The following PPP6R3 variants were observed in gnomAD, a reference collection of about 807,000 sequenced individuals.
PPP6R3 encodes serine/threonine-protein phosphatase 6 regulatory subunit 3.
PPP6R3 carries 38 observed loss-of-function variants against 110.7 expected under a neutral mutation model. The observed-to-expected ratio is 0.34, with a 90% confidence interval of 0.26 to 0.45. The LOEUF (loss-of-function observed/expected upper bound fraction) is 0.45, where lower values mean the gene tolerates loss of function less well. Among genes scored for constraint, PPP6R3 ranks in the 20% least tolerant of loss-of-function variants. The pLI, the probability that PPP6R3 is intolerant of heterozygous loss-of-function variation, is 1.00. For synonymous variants in PPP6R3, 369 were observed against 373.5 expected, an observed-to-expected ratio of 0.99 and a Z score of 0.14; for missense variants, 870 against 1,062.4, an observed-to-expected ratio of 0.82 and a Z score of 2.52.
chr11:68,465,200 T>TTA (rs765869833), intron 1 of PPP6R3, among the ~76,000 whole-genome samples: 9 of 152,164 alleles, frequency 5.9e-5, no homozygotes, highest in Non-Finnish European at 4.4e-5. Context: ...TGTTTTTGTT[T>TTA]TAATAAAGAC....
Position 68,603,448 on chromosome 11 carries a change from C to G in PPP6R3, c.2406C>G (p.Leu802=), listed in dbSNP as rs765938462. ...TGAATGGCGGCATGAAGGAAACGCTCAGCCTCACTGTAGATGCCAAGACAG... is the reference window on the plus strand; with the variant it reads ...TGAATGGCGGCATGAAGGAAACGCTGAGCCTCACTGTAGATGCCAAGACAG... ...TVMNGGMKET[L]SLTVDAKTET... is the part of the protein sequence containing the mutation. Residue 802 remains leucine (L), a synonymous_variant, in exon 22 of 24, where the codon CTC becomes CTG. Transcript: ENST00000393800. 1.2e-6 allele frequency: 2 copies of G among 1,614,038 alleles called. No homozygotes were observed. The highest frequency in any genetic ancestry group is 1.7e-6 in the Non-Finnish European group (2 of 1,180,032).
intron 1 of PPP6R3, among the ~76,000 whole-genome samples, chr11:68,505,593 AT>A (rs2099071811): frequency 1.3e-5 from 2 of 152,220 alleles, no homozygotes; most frequent in South Asian, 4.1e-4. Context: ...TACAAAAGTA[AT>A]TCCAGTTTTT....
At chr11:68,609,868 G>A (rs762810127) in intron 22 of PPP6R3, 36 bp from the exon 23 acceptor site, 2 of 1,612,876 alleles carry the variant, frequency 1.2e-6, no homozygotes, top group South Asian at 2.2e-5. Context: ...CTGGTCCCTA[G>A]GGTGTTTGAT....
At chr11:68,579,299 T>A (rs1177410132) in intron 14 of PPP6R3, among the ~76,000 whole-genome samples, 1 of 152,240 alleles carries the variant, frequency 6.6e-6, no homozygotes, top group Non-Finnish European at 1.5e-5. Flanking sequence ...CATTTCACAC[T>A]TCTGATTTCC....
rs78244872 is a variant in PPP6R3, at chr11:68,516,821, C to T, written c.-157-2680C>T. ...CCATTTTGCATTCCCACCAATAGTGCGCAAGAGTTCCAGTTTCTCCACATC... is the reference window on the plus strand; with the variant it reads ...CCATTTTGCATTCCCACCAATAGTGTGCAAGAGTTCCAGTTTCTCCACATC... On this transcript the variant is annotated intron_variant, in intron 1 of 23. Coordinates refer to ENST00000393800, the MANE Select transcript of PPP6R3 (RefSeq NM_001164161.2). 4.8e-3 allele frequency among the ~76,000 whole-genome samples: 737 copies of T among 152,238 alleles called. 15 individuals carry two copies. The East Asian group carries it at 0.06, about 12-fold the overall frequency.
intron 1 of PPP6R3, chr11:68,505,142 C>T (rs1592180287): frequency 6.6e-6 from 1 of 152,090 alleles, no homozygotes; most frequent in African/African-American, 2.4e-5. Flanking sequence ...CTCTCATTTA[C>T]AGATAAGAAA....
intron 1 of PPP6R3, among the ~76,000 whole-genome samples, chr11:68,474,201 T>A (rs1237277399): frequency 6.6e-6 from 1 of 152,124 alleles, no homozygotes; most frequent in African/African-American, 2.4e-5. Context: ...CACACCACCA[T>A]GCCTGGCTAA....
At chr11:68,556,414 T>A (rs1159439575) in intron 7 of PPP6R3, among the ~76,000 whole-genome samples, 1 of 152,056 alleles carries the variant, frequency 6.6e-6, no homozygotes, top group East Asian at 1.9e-4. Flanking sequence ...AAAAATTTTT[T>A]AAAAACAGTT....
intron 3 of PPP6R3, among the ~76,000 whole-genome samples, chr11:68,539,943 G>A (rs2099302398): frequency 6.6e-6 from 1 of 152,216 alleles, no homozygotes; most frequent in African/African-American, 2.4e-5. Context: ...GGAACATCCA[G>A]GCAGGGGGAA....
Position 68,613,383 on chromosome 11 carries a change from C to G in PPP6R3, c.*266C>G, listed in dbSNP as rs1944476763. The G allele has an allele frequency of 8.5e-7, 1 of 1,182,526 alleles. No individual in the cohort carries two copies. The highest frequency in any genetic ancestry group is 1.0e-6 in the Non-Finnish European group (1 of 955,704). 73.3% of individuals were successfully genotyped at this position (1,182,526 alleles called of 1,614,324 possible). On this transcript the variant is annotated 3_prime_UTR_variant, in exon 24 of 24. Coordinates refer to ENST00000393800, the MANE Select transcript of PPP6R3 (RefSeq NM_001164161.2). ...TAATGGGTAGCCTGTGAAATAAGAT[C>G]TTGCCACCCATGTAATAATAGTAGT...
rs906039708 is a variant in PPP6R3, at chr11:68,615,013, C to G, written c.*1896C>G. ...CCACTGTGGCCTCTGTGGTATGGACCTGGTGGCTTCTCCATCCTACCCAAG... is the reference window on the plus strand; with the variant it reads ...CCACTGTGGCCTCTGTGGTATGGACGTGGTGGCTTCTCCATCCTACCCAAG... On this transcript the variant is annotated 3_prime_UTR_variant, in exon 24 of 24. Transcript: ENST00000393800. 47 of 525,564 alleles carry G rather than the reference C, an allele frequency of 8.9e-5. No homozygotes were observed. Among genetic ancestry groups the G allele is most frequent in the Non-Finnish European group, 1.5e-4 (42 of 271,968 alleles). The allele number at this position is 525,564 out of a possible 1,614,324, so 32.6% of individuals were successfully genotyped here. A position where few individuals can be genotyped will look rare whatever the true frequency, so the allele number is the denominator to read the frequency against.
intron 7 of PPP6R3, among the ~76,000 whole-genome samples, chr11:68,555,827 A>G (rs1175522316): frequency 6.6e-6 from 1 of 152,216 alleles, no homozygotes; most frequent in Non-Finnish European, 1.5e-5. Context: ...CCCTGTTGCC[A>G]AGTAAAACCT....
chr11:68,513,043 G>T (rs1257721463), intron 1 of PPP6R3, among the ~76,000 whole-genome samples: 1 of 152,032 alleles, frequency 6.6e-6, no homozygotes, highest in Admixed American at 6.6e-5. Flanking sequence ...CCAGCCTTTG[G>T]ACTCCACGAT....
At chr11:68,558,819 C>T in intron 8 of PPP6R3, 140 bp downstream of exon 8, 1 of 631,774 alleles carries the variant, frequency 1.6e-6, no homozygotes, top group Non-Finnish European at 2.7e-6. Context: ...TAAACCATAG[C>T]CTAATTTTAT....
chr11:68,557,610 C>CT (rs1471189689), intron 7 of PPP6R3, among the ~76,000 whole-genome samples: 1 of 152,122 alleles, frequency 6.6e-6, no homozygotes, highest in Non-Finnish European at 1.5e-5. Flanking sequence ...CCTCTGCCTG[C>CT]TGGGTTCAAG....
chr11:68,535,301 T>G (rs1412069193), intron 2 of PPP6R3: 1 of 152,214 alleles, frequency 6.6e-6, no homozygotes, highest in African/African-American at 2.4e-5. Flanking sequence ...GGAGTTGTGC[T>G]TCTCTAGCAT....
intron 1 of PPP6R3, among the ~76,000 whole-genome samples, chr11:68,484,867 A>G (rs1297287959): frequency 1.3e-5 from 2 of 152,138 alleles, no homozygotes; most frequent in Non-Finnish European, 2.9e-5. Flanking sequence ...GATTACAGGC[A>G]TGAGCCACAG....
intron 5 of PPP6R3, among the ~76,000 whole-genome samples, chr11:68,548,998 C>A (rs1592951393): frequency 6.6e-6 from 1 of 152,216 alleles, no homozygotes; most frequent in African/African-American, 2.4e-5. Flanking sequence ...TCAAGCAACT[C>A]TCTTGTCTCA....
chr11:68,518,351 T>C (rs1381420505), intron 1 of PPP6R3, among the ~76,000 whole-genome samples: 1 of 152,242 alleles, frequency 6.6e-6, no homozygotes, highest in Non-Finnish European at 1.5e-5. Flanking sequence ...TATGTAGTAC[T>C]ACTGCCAGAA....
Sources: allele counts gnomAD v4.1 joint callset (sites outside exome capture counted in the v4.1 genomes callset), GRCh38; gene constraint gnomAD v4.1.1; transcripts MANE v1.5; gene names NCBI Gene and HGNC (gene_info 2026-07-23, HGNC 2026-07-21).